DAB2IP: variants seen among roughly 807,000 people sequenced by gnomAD.
The protein encoded by DAB2IP is DAB2 interacting protein.
DAB2IP carries 28 observed loss-of-function variants against 107.2 expected under a neutral mutation model. The observed-to-expected ratio is 0.26, with a 90% CI of 0.19 to 0.36. The LOEUF (loss-of-function observed/expected upper bound fraction) is 0.36. DAB2IP is among the 10% of genes least tolerant of loss of function. DAB2IP has a pLI of 1.00. For missense variants in DAB2IP, 1,400 were observed against 1,644.7 expected (o/e 0.85, Z 2.57); for synonymous variants, 755 against 706.4 (o/e 1.07, Z -1.09).
chr9:121,781,650 C>A, intron 15 of DAB2IP, 99 bp downstream of exon 15: 1 of 1,221,300 alleles, frequency 8.2e-7, no homozygotes. Flanking sequence ...TCACTGCAGA[C>A]ACTGAGGGGA....
chr9:121,759,813 C>A, intron 5 of DAB2IP, 72 bp from the exon 6 acceptor site: 1 of 1,419,236 alleles, frequency 7.0e-7, no homozygotes, highest in African/African-American at 1.4e-5. Context: ...AGGACTCTCT[C>A]AGGCTCTGGG....
At chr9:121,650,016 T>G (rs1203723066), upstream of DAB2IP, among the ~76,000 whole-genome samples, 1 of 151,890 alleles carries the variant, frequency 6.6e-6, no homozygotes, top group Non-Finnish European at 1.5e-5. Flanking sequence ...GGTTTTTTTG[T>G]TTGTTTGTTT....
chr9:121,619,501 C>T (rs1028395072), intron 1 of DAB2IP, among the ~76,000 whole-genome samples: 5 of 152,218 alleles, frequency 3.3e-5, no homozygotes, highest in South Asian at 2.1e-4. Flanking sequence ...CCTGCGCTAA[C>T]GGTGTCAACA....
intron 2 of DAB2IP, among the ~76,000 whole-genome samples, chr9:121,679,313 C>T (rs993987917): frequency 6.6e-6 from 1 of 151,980 alleles, no homozygotes; most frequent in South Asian, 2.1e-4. Flanking sequence ...CCCACAAGCA[C>T]ACAGACTTTT....
In DAB2IP at chr9:121,699,281, G is replaced by C; in HGVS notation, c.229-44G>C. 3 of 1,291,324 alleles carry C rather than the reference G, an allele frequency of 2.3e-6. No homozygotes were observed. Among genetic ancestry groups the C allele is most frequent in the Non-Finnish European group, 3.0e-6 (3 of 999,524 alleles). The allele number at this position is 1,291,324 out of a possible 1,614,324, so 80.0% of individuals were successfully genotyped here. A position where few individuals can be genotyped will look rare whatever the true frequency, so the allele number is the denominator to read the frequency against. ...GCGGGTCCCGGCCCGCCGCCGCCGC[G>C]CTAACCCCGCCTCCCCTTCCCCCTC... On this transcript the variant is annotated intron_variant, in intron 2 of 15. Coordinates refer to ENST00000408936, the Ensembl canonical transcript of DAB2IP. The surrounding 1 kb of genome is among the most constrained non-coding windows in gnomAD (Gnocchi z 6.2).
chr9:121,670,949 G>A (rs1282946288), intron 1 of DAB2IP, among the ~76,000 whole-genome samples: 6 of 152,056 alleles, frequency 3.9e-5, no homozygotes, highest in South Asian at 4.1e-4. Context: ...TCAAGAGATC[G>A]AGACCATCCT....
At chr9:121,603,149 G>A (rs532183150) in intron 1 of DAB2IP, among the ~76,000 whole-genome samples, 2 of 152,334 alleles carry the variant, frequency 1.3e-5, no homozygotes, top group South Asian at 4.1e-4. Context: ...CCTGCATCTC[G>A]CGGGGAGAGG....
rs930106171 is a variant in DAB2IP at position 121,633,816 on chromosome 9, T to C, written c.41-44862T>C. ...AAACCCTCACCATAGTCTAAGTACA[T>C]GGCATTTGGATAAGGGAAGTCAAGT... On this transcript the variant is annotated intron_variant, in intron 1 of 16. Transcript: ENST00000259371. The surrounding 1 kb of genome is among the most constrained non-coding windows in gnomAD (Gnocchi z 5.1). Among the ~76,000 whole-genome samples the C allele has an allele frequency of 1.3e-5, 2 of 152,202 alleles. No individual in the cohort carries two copies. Among genetic ancestry groups the C allele is most frequent in the African/African-American group, 4.8e-5 (2 of 41,446 alleles).
intron 2 of DAB2IP, among the ~76,000 whole-genome samples, chr9:121,683,131 C>T (rs2119147448): frequency 1.3e-5 from 2 of 152,256 alleles, no homozygotes; most frequent in East Asian, 3.9e-4. Flanking sequence ...CCTGGATCTG[C>T]ATAGACCAAT....
upstream of DAB2IP, among the ~76,000 whole-genome samples, chr9:121,649,716 A>G (rs1250710554): frequency 1.3e-5 from 2 of 152,216 alleles, no homozygotes; most frequent in African/African-American, 4.8e-5. Flanking sequence ...AACCCCACCT[A>G]CGTGAGGAGG....
At chr9:121,755,664 G>C (rs1211931911) in intron 3 of DAB2IP, among the ~76,000 whole-genome samples, 1 of 152,212 alleles carries the variant, frequency 6.6e-6, no homozygotes, top group Non-Finnish European at 1.5e-5. Flanking sequence ...CTTGGGGTGG[G>C]AGGGTGGCTA....
rs976599390 is a variant in DAB2IP, at chr9:121,699,197, G to C, written c.229-128G>C. 9.3e-6 allele frequency: 9 copies of C among 968,548 alleles called. No homozygotes were observed. The highest frequency in any genetic ancestry group is 3.6e-5 in the African/African-American group (2 of 56,100). The allele number at this position is 968,548 out of a possible 1,614,324, so 60.0% of individuals were successfully genotyped here. On this transcript the variant is annotated intron_variant, in intron 2 of 15. Coordinates refer to ENST00000408936, the Ensembl canonical transcript of DAB2IP. The surrounding 1 kb of genome is among the most constrained non-coding windows in gnomAD (Gnocchi z 6.2). ...GCGCGGGCCGCGAGCTGCTGGGGCC[G>C]AGCCCGAGCCCGGCCCGCCCTCGGC...
intron 3 of DAB2IP, among the ~76,000 whole-genome samples, chr9:121,712,979 C>G (rs2118784908): frequency 6.6e-6 from 1 of 152,362 alleles, no homozygotes; most frequent in South Asian, 2.1e-4. Flanking sequence ...ATGGGGAGCT[C>G]TTTCCACCTG....
intron 2 of DAB2IP, among the ~76,000 whole-genome samples, chr9:121,694,522 G>T (rs1461752738): frequency 6.6e-6 from 1 of 152,106 alleles, no homozygotes; most frequent in Non-Finnish European, 1.5e-5. Flanking sequence ...AATTCTGAAA[G>T]GCCTTTGAGA....
chr9:121,765,720 C>T (rs771814421), intron 8 of DAB2IP, among the ~76,000 whole-genome samples: 1 of 152,170 alleles, frequency 6.6e-6, no homozygotes, highest in African/African-American at 2.4e-5. Flanking sequence ...CTGGGAGATG[C>T]ATCTTTTAGG....
Position 121,651,703 on chromosome 9 carries a change from G to T in DAB2IP, c.-73G>T, listed in dbSNP as rs1832746618. 2 of 1,140,312 alleles carry T rather than the reference G, an allele frequency of 1.8e-6. No homozygotes were observed. Among genetic ancestry groups the T allele is most frequent in the Admixed American group, 9.7e-5 (2 of 20,688 alleles). The allele number at this position is 1,140,312 out of a possible 1,614,324, so 70.6% of individuals were successfully genotyped here. A position where few individuals can be genotyped will look rare whatever the true frequency, so the allele number is the denominator to read the frequency against. ...GCGGGAGAACGCGTGGGCGCCCGCC[G>T]GGCTGTCCGGAGCGGCCGATGGGGC... On this transcript the variant is annotated 5_prime_UTR_variant, in exon 1 of 16. Coordinates refer to ENST00000408936, the Ensembl canonical transcript of DAB2IP. This position sits in a 1 kb window ranked among gnomAD's most constrained non-coding sequence, Gnocchi z 5.1.
intron 1 of DAB2IP, among the ~76,000 whole-genome samples, chr9:121,605,417 C>T (rs568008770): frequency 6.6e-6 from 1 of 152,322 alleles, no homozygotes; most frequent in Non-Finnish European, 1.5e-5. Context: ...TAGGGAAAGC[C>T]ACCTGTCAGT....
intron 3 of DAB2IP, among the ~76,000 whole-genome samples, chr9:121,719,317 C>T (rs930026987): frequency 3.9e-5 from 6 of 152,106 alleles, no homozygotes; most frequent in Admixed American, 1.3e-4. Context: ...GGGAAGGAGT[C>T]GGGCCATCTC....
At chr9:121,781,474 G>C in exon 15 of DAB2IP, 1 of 1,614,026 alleles carries the variant, frequency 6.2e-7, no homozygotes, top group Non-Finnish European at 8.5e-7. Flanking sequence ...GTTGATGTCC[G>C]TGGAGGAAGA....
Sources: gnomAD v4.1 joint callset for allele counts (sites outside exome capture counted in the v4.1 genomes callset) on GRCh38, gnomAD v4.1.1 for gene constraint, Gnocchi (gnomAD v3.1) non-coding constraint, MANE v1.5 for transcripts, NCBI Gene and HGNC (gene_info 2026-07-23, HGNC 2026-07-21) for gene names.